RP1: variants seen among roughly 807,000 people sequenced by gnomAD.
The protein encoded by RP1 is RP1 axonemal microtubule associated, also known as oxygen-regulated protein 1.
Under a neutral mutation model 14.8 loss-of-function variants are expected in RP1, and 16 were observed. That is an observed-to-expected ratio of 1.08 (90% CI 0.73 to 1.65). The LOEUF (loss-of-function observed/expected upper bound fraction) is 1.65. Among genes scored for constraint, RP1 ranks in the 40% most tolerant of loss-of-function variants. The probability of loss-of-function intolerance (pLI) is 0.00; values close to 1 mark genes in which losing one functional copy is unlikely to be tolerated. For missense variants in RP1, 2,631 were observed against 2,535.0 expected, an observed-to-expected ratio of 1.04 and a Z score of -0.81; for synonymous variants, 876 against 883.6, an observed-to-expected ratio of 0.99 and a Z score of 0.15.
At chr8:54,610,863 T>C (rs1172853854) in intron 1 of RP1, among the ~76,000 whole-genome samples, 1 of 152,232 alleles carries the variant, frequency 6.6e-6, no homozygotes, top group Non-Finnish European at 1.5e-5. Flanking sequence ...TACAATCTAA[T>C]ATAGTGCCTT....
At chr8:54,769,020 T>C (rs866935485) in intron 22 of RP1, among the ~76,000 whole-genome samples, 12 of 151,914 alleles carry the variant, frequency 7.9e-5, no homozygotes, top group Admixed American at 4.6e-4. Flanking sequence ...CTCAGCCTCC[T>C]GAGTAGCTGG....
At chr8:54,771,741 G>A (rs1809913165), downstream of RP1, among the ~76,000 whole-genome samples, 1 of 151,818 alleles carries the variant, frequency 6.6e-6, no homozygotes, top group East Asian at 1.9e-4. Flanking sequence ...ATATTTCTTG[G>A]GATATGATTC....
chr8:54,777,341 A>G (rs1273584002), intron 23 of RP1, among the ~76,000 whole-genome samples: 1 of 152,200 alleles, frequency 6.6e-6, no homozygotes, highest in Non-Finnish European at 1.5e-5. Flanking sequence ...ACTACATCAT[A>G]CAATAATCGG....
chr8:54,842,488 G>A (rs956317005), intron 25 of RP1, among the ~76,000 whole-genome samples: 1 of 152,154 alleles, frequency 6.6e-6, no homozygotes, highest in African/African-American at 2.4e-5. Context: ...TTTCCACCAG[G>A]AGCACGGCAG....
chr8:54,717,804 T>A (rs1358827455), intron 15 of RP1, among the ~76,000 whole-genome samples: 1 of 152,114 alleles, frequency 6.6e-6, no homozygotes, highest in African/African-American at 2.4e-5. Flanking sequence ...TAAAACTCTC[T>A]TGGCTCACAG....
intron 1 of RP1, among the ~76,000 whole-genome samples, chr8:54,605,140 A>G (rs1250396700): frequency 5.3e-5 from 8 of 152,140 alleles, no homozygotes; most frequent in Admixed American, 3.9e-4. Context: ...TAGGGTGTCA[A>G]TTTTAGATCT....
intron 3 of RP1, among the ~76,000 whole-genome samples, chr8:54,647,843 A>G (rs1247187663): frequency 6.6e-6 from 1 of 152,088 alleles, no homozygotes; most frequent in African/African-American, 2.4e-5. Context: ...GGCATGCGCC[A>G]CCACATCTGG....
intron 1 of RP1, among the ~76,000 whole-genome samples, chr8:54,576,350 A>G (rs970683400): frequency 6.6e-6 from 1 of 152,186 alleles, no homozygotes; most frequent in African/African-American, 2.4e-5. Flanking sequence ...CGGCCAGAAC[A>G]TGTCAGACTC....
chr8:54,647,067 T>C (rs978966786), intron 3 of RP1, among the ~76,000 whole-genome samples: 1 of 152,210 alleles, frequency 6.6e-6, no homozygotes, highest in Non-Finnish European at 1.5e-5. Context: ...AACATGGCTT[T>C]CCACTATGTG....
At chr8:54,825,710 C>T (rs1376474107) in intron 24 of RP1, among the ~76,000 whole-genome samples, 3 of 152,064 alleles carry the variant, frequency 2.0e-5, no homozygotes, top group Non-Finnish European at 4.4e-5. Context: ...TTGTGGTTTC[C>T]AACAGTACTT....
At chr8:54,775,033 C>A (rs1343753170) in intron 23 of RP1, among the ~76,000 whole-genome samples, 1 of 151,828 alleles carries the variant, frequency 6.6e-6, no homozygotes, top group Non-Finnish European at 1.5e-5. Context: ...GGGTTCTACT[C>A]ACCCACTGGA....
In RP1 at chr8:54,628,476, C is replaced by G. The variant is rs1806146370; in HGVS notation, c.4594C>G (p.Leu1532Val). ...AATTTATGAAATAATCAGTAAGAGG[C>G]TGGCAACACCACCATCTTTAGATTT... ...GIIYEIISKR[L>V]ATPPSLDFCY... The change falls in exon 4 of 4, where the codon CTG becomes GTG. Residue 1532 changes from leucine to valine, a missense_variant. Transcript: ENST00000220676. 1 of 1,613,494 alleles carries G rather than the reference C, an allele frequency of 6.2e-7. No homozygotes were observed. The highest frequency in any genetic ancestry group is 8.5e-7 in the Non-Finnish European group (1 of 1,179,772).
intron 24 of RP1, among the ~76,000 whole-genome samples, chr8:54,826,018 G>A (rs2889029): frequency 6.6e-6 from 1 of 151,930 alleles, no homozygotes; most frequent in African/African-American, 2.4e-5. Context: ...CAGTGAAGCA[G>A]GATTGTAACC....
At chr8:54,620,811 T>C (rs1805837853) in intron 1 of RP1, 144 bp from the exon 2 acceptor site, 4 of 768,258 alleles carry the variant, frequency 5.2e-6, no homozygotes, top group Non-Finnish European at 6.5e-6. Flanking sequence ...TCAAAATTGA[T>C]AGGTATAATG....
At chr8:54,809,974 T>A (rs954345512) in intron 24 of RP1, among the ~76,000 whole-genome samples, 1 of 152,188 alleles carries the variant, frequency 6.6e-6, no homozygotes, top group East Asian at 1.9e-4. Flanking sequence ...GAAAGTGAAA[T>A]GCACTGATGA....
chr8:54,593,701 G>A (rs1314341430), intron 1 of RP1, among the ~76,000 whole-genome samples: 2 of 152,210 alleles, frequency 1.3e-5, no homozygotes, highest in African/African-American at 2.4e-5. Flanking sequence ...CTGCTTGGCT[G>A]TAAAGGGTAG....
chr8:54,757,342 AAAG>A (rs1809534331), intron 21 of RP1, among the ~76,000 whole-genome samples: 1 of 152,246 alleles, frequency 6.6e-6, no homozygotes, highest in Non-Finnish European at 1.5e-5. Flanking sequence ...CTTTAAGATA[AAAG>A]AAGAGACCAG....
At chr8:54,593,014 T>C (rs1805074229) in intron 1 of RP1, among the ~76,000 whole-genome samples, 1 of 152,194 alleles carries the variant, frequency 6.6e-6, no homozygotes, top group Non-Finnish European at 1.5e-5. Context: ...TTCTAGCCTC[T>C]ATGAGGAAGT....
upstream of RP1, among the ~76,000 whole-genome samples, chr8:54,613,440 G>A (rs1223610791): frequency 1.3e-5 from 2 of 152,164 alleles, no homozygotes; most frequent in Non-Finnish European, 2.9e-5. Flanking sequence ...GGCAGGCAGA[G>A]GATCATTCCT....
Sources: gnomAD v4.1 joint callset for allele counts (sites outside exome capture counted in the v4.1 genomes callset) on GRCh38, gnomAD v4.1.1 for gene constraint, MANE v1.5 for transcripts, NCBI Gene and HGNC (gene_info 2026-07-23, HGNC 2026-07-21) for gene names.